Variants in GSE1 observed in about 807,000 individuals in gnomAD.
The protein encoded by GSE1 is genetic suppressor element 1.
A neutral mutation model predicts 112.6 loss-of-function variants in GSE1; 32 were observed. The observed-to-expected ratio is 0.28, with a 90% CI of 0.21 to 0.38. GSE1 has a LOEUF of 0.38. Among genes scored for constraint, GSE1 ranks in the 10% least tolerant of loss-of-function variants. The pLI, the probability that GSE1 is intolerant of heterozygous loss-of-function variation, is 1.00. For missense variants in GSE1, 2,348 were observed against 1,699.2 expected (o/e 1.38, Z -6.71); for synonymous variants, 1,115 against 735.6 (o/e 1.52, Z -8.35).
intron 2 of GSE1, among the ~76,000 whole-genome samples, chr16:85,512,156 G>A (rs570539612): frequency 5.3e-5 from 8 of 152,264 alleles, no homozygotes; most frequent in Admixed American, 1.3e-4. Flanking sequence ...GCCCACCATG[G>A]GCATTATTAA....
chr16:85,606,871 C>G (rs966835234), upstream of GSE1, among the ~76,000 whole-genome samples: 1 of 152,350 alleles, frequency 6.6e-6, no homozygotes, highest in East Asian at 1.9e-4. Context: ...TCTCTGCCCC[C>G]CATCAAGGGT....
intron 1 of GSE1, among the ~76,000 whole-genome samples, chr16:85,598,223 G>A (rs978499843): frequency 2.1e-5 from 3 of 145,582 alleles, no homozygotes; most frequent in African/African-American, 7.9e-5. Context: ...AGTAGGGCTG[G>A]ACAAGAGGGC....
At chr16:85,238,016 A>G (rs1328136518) in intron 1 of GSE1, among the ~76,000 whole-genome samples, 1 of 152,160 alleles carries the variant, frequency 6.6e-6, no homozygotes, top group Non-Finnish European at 1.5e-5. Context: ...GTTCTGAGGG[A>G]AGAATGCAGA....
chr16:85,654,940 A>G lies in GSE1; in HGVS notation c.746A>G (p.Tyr249Cys). 6.2e-7 allele frequency: 1 copy of G among 1,609,510 alleles called. No individual in the cohort carries two copies. Among genetic ancestry groups the G allele is most frequent in the Non-Finnish European group, 8.5e-7 (1 of 1,179,122 alleles). ...LGLDPATAAA[Y>C]YHPSYLAPHP... ...CTGGACCCGGCCACTGCTGCAGCCTACTACCACCCCAGCTACCTGGCCCCA... is the reference window on the plus strand; with the variant it reads ...CTGGACCCGGCCACTGCTGCAGCCTGCTACCACCCCAGCTACCTGGCCCCA... The change falls in exon 5 of 16, where the codon TAC (tyrosine) becomes TGC (cysteine). Residue 249 changes from tyrosine (Y) to cysteine (C), a missense_variant. Transcript: ENST00000253458.
intron 1 of GSE1, among the ~76,000 whole-genome samples, chr16:85,606,370 C>G (rs1177501761): frequency 2.0e-5 from 3 of 152,232 alleles, no homozygotes; most frequent in African/African-American, 7.2e-5. Context: ...TCTCCGAGCT[C>G]CACAACCTCA....
intron 1 of GSE1, among the ~76,000 whole-genome samples, chr16:85,613,599 T>C (rs1274224621): frequency 2.7e-5 from 4 of 149,490 alleles, no homozygotes; most frequent in Non-Finnish European, 4.5e-5. Flanking sequence ...GGTCGCAGCC[T>C]GGGAGGCCTG....
intron 1 of GSE1, among the ~76,000 whole-genome samples, chr16:85,627,876 C>G (rs890126916): frequency 2.0e-5 from 3 of 152,242 alleles, no homozygotes; most frequent in Non-Finnish European, 2.9e-5. Context: ...CCCGCCATCC[C>G]TGTGTCCCCC....
intron 2 of GSE1, among the ~76,000 whole-genome samples, chr16:85,401,547 G>C (rs568305287): frequency 1.3e-5 from 2 of 152,196 alleles, no homozygotes; most frequent in African/African-American, 4.8e-5. Flanking sequence ...CAGAGGGCTT[G>C]GGAGGGCAGG....
At chr16:85,662,836 C>A (rs1299072558) in intron 9 of GSE1, 145 bp from the exon 10 acceptor site, 9 of 616,664 alleles carry the variant, frequency 1.5e-5, no homozygotes, top group Non-Finnish European at 2.6e-5. Context: ...GTTTCCACCT[C>A]GGTTGAAAGG....
intron 1 of GSE1, among the ~76,000 whole-genome samples, chr16:85,355,349 C>T (rs112306153): frequency 6.6e-5 from 10 of 152,316 alleles, no homozygotes; most frequent in African/African-American, 1.4e-4. Flanking sequence ...TAGCACAGTT[C>T]GTTGTTCAAG....
In GSE1 at chr16:85,514,044, C is replaced by T. The variant is rs993642602; in HGVS notation, c.2465-119870C>T. Among the ~76,000 whole-genome samples, 60 of 152,204 alleles carry T rather than the reference C, an allele frequency of 3.9e-4. 1 individual carries two copies. Among genetic ancestry groups the T allele is most frequent in the South Asian group, 6.2e-4 (3 of 4,822 alleles). ...AGAAAACAAAAGACCCCAGGCTCCC[C>T]GGGTGATTCCAGGCTGAAGAAAGAG... On this transcript the variant is annotated intron_variant, in intron 2 of 2. Transcript: ENST00000637419.
chr16:85,186,340 C>T (rs1365057986), intron 1 of GSE1, among the ~76,000 whole-genome samples: 1 of 152,050 alleles, frequency 6.6e-6, no homozygotes, highest in Admixed American at 6.5e-5. Flanking sequence ...TGCGGTCGCT[C>T]ACACCTGTAA....
chr16:85,271,576 C>T (rs999813602), intron 1 of GSE1, among the ~76,000 whole-genome samples: 7 of 152,218 alleles, frequency 4.6e-5, no homozygotes. Context: ...GAGGCCTTTG[C>T]AGCCCACGCT....
chr16:85,523,756 T>A (rs931645383), intron 2 of GSE1, among the ~76,000 whole-genome samples: 1 of 152,208 alleles, frequency 6.6e-6, no homozygotes, highest in African/African-American at 2.4e-5. Flanking sequence ...CTGCCTGGCC[T>A]GGTAGCTCAG....
chr16:85,227,368 T>G (rs187355168), intron 1 of GSE1, among the ~76,000 whole-genome samples: 1 of 152,184 alleles, frequency 6.6e-6, no homozygotes, highest in African/African-American at 2.4e-5. Flanking sequence ...ACCTCAACGG[T>G]GGGTATGTCC....
intron 2 of GSE1, among the ~76,000 whole-genome samples, chr16:85,540,519 T>C (rs975993031): frequency 3.3e-5 from 5 of 152,222 alleles, no homozygotes; most frequent in African/African-American, 1.2e-4. Flanking sequence ...CTAGGACCTG[T>C]AGATGCCCTT....
chr16:85,528,043 TG>T (rs34181432), intron 2 of GSE1, among the ~76,000 whole-genome samples: 5 of 151,884 alleles, frequency 3.3e-5, no homozygotes, highest in Non-Finnish European at 5.9e-5. Context: ...GGCAGGGGTG[TG>T]GGGGGGCCCC....
rs1452809386 is a variant in GSE1 at position 85,411,247 on chromosome 16, C to CT, written c.2464+53604_2464+53605insT. 3.5e-4 allele frequency among the ~76,000 whole-genome samples: 3 copies of CT among 8,552 alleles called. 1 individual carries two copies. The highest frequency in any genetic ancestry group is 3.1e-4 in the African/African-American group (1 of 3,186). The allele number at this position is 8,552 out of a possible 152,430, so 5.6% of individuals were successfully genotyped here. A position where few individuals can be genotyped will look rare whatever the true frequency, so the allele number is the denominator to read the frequency against. The stretch of plus-strand genomic sequence containing the variant: ...TCCTCACTGTTACACTCAGGCACAC[C>CT]GGATAATCCTCACTGTTACACTCAG... On this transcript the variant is annotated intron_variant, in intron 2 of 2. Transcript: ENST00000637419.
At chr16:85,524,857 A>G (rs1007200618) in intron 2 of GSE1, among the ~76,000 whole-genome samples, 4 of 152,144 alleles carry the variant, frequency 2.6e-5, no homozygotes, top group African/African-American at 9.7e-5. Context: ...GCTTGTCTGC[A>G]GCAGCCCTGC....
Sources: gnomAD v4.1 joint callset for allele counts (sites outside exome capture counted in the v4.1 genomes callset) on GRCh38, gnomAD v4.1.1 for gene constraint, MANE v1.5 for transcripts, NCBI Gene and HGNC (gene_info 2026-07-23, HGNC 2026-07-21) for gene names.